CCDC171: variants seen among roughly 807,000 people sequenced by gnomAD.
The protein encoded by CCDC171 is coiled-coil domain-containing protein 171.
CCDC171 carries 177 observed loss-of-function variants against 168.2 expected under a neutral mutation model. The observed-to-expected ratio is 1.05, with a 90% CI of 0.93 to 1.19. The LOEUF is 1.19. Ranked by LOEUF, CCDC171 falls within the 50% of genes most tolerant of loss-of-function variation. CCDC171 has a pLI of 0.00. For synonymous variants in CCDC171, 687 were observed against 540.8 expected, an observed-to-expected ratio of 1.27 and a Z score of -3.75; for missense variants, 1,991 against 1,539.0, an observed-to-expected ratio of 1.29 and a Z score of -4.91.
chr9:15,656,720 C>T (rs2047964365), intron 7 of CCDC171, among the ~76,000 whole-genome samples: 1 of 152,012 alleles, frequency 6.6e-6, no homozygotes, highest in African/African-American at 2.4e-5. Flanking sequence ...TTCGTGATTA[C>T]TTGGGTATGT....
At chr9:16,079,416 T>A in the CCDC171 span, among the ~76,000 whole-genome samples, 4,476 of 152,234 alleles carry the variant, frequency 0.029, 75 homozygotes, top group Middle Eastern at 0.1. Flanking sequence ...GGTGTCCTTA[T>A]AAAGGAGGGA....
At chr9:15,736,449 T>A (rs899641395) in intron 16 of CCDC171, among the ~76,000 whole-genome samples, 2 of 151,268 alleles carry the variant, frequency 1.3e-5, no homozygotes, top group African/African-American at 4.9e-5. Flanking sequence ...CTCCCAGGCT[T>A]AAGAGATTCC....
chr9:15,579,933 A>G (rs1213292190), intron 4 of CCDC171, among the ~76,000 whole-genome samples: 3 of 152,212 alleles, frequency 2.0e-5, no homozygotes, highest in Non-Finnish European at 4.4e-5. Context: ...ATTCTTGTAC[A>G]CAGCAGGTTT....
intron 25 of CCDC171, among the ~76,000 whole-genome samples, chr9:15,968,650 G>A (rs556927791): frequency 2.7e-5 from 4 of 149,342 alleles, no homozygotes; most frequent in Middle Eastern, 3.4e-3. Context: ...GGATTCAAGC[G>A]ATTCCCCTGC....
chr9:15,656,077 T>C (rs1179810008), intron 7 of CCDC171, among the ~76,000 whole-genome samples: 2 of 152,162 alleles, frequency 1.3e-5, no homozygotes, highest in Admixed American at 6.5e-5. Flanking sequence ...CCTAGCACTT[T>C]GGGAGGCCGA....
At chr9:15,707,389 C>T (rs1312439541) in intron 11 of CCDC171, among the ~76,000 whole-genome samples, 22 of 152,126 alleles carry the variant, frequency 1.4e-4, no homozygotes, top group Admixed American at 1.3e-3. Context: ...ACTTTGGTTA[C>T]GATTTGATAA....
intron 7 of CCDC171, among the ~76,000 whole-genome samples, chr9:15,635,201 C>A (rs1438711817): frequency 1.3e-5 from 2 of 152,160 alleles, no homozygotes; most frequent in Non-Finnish European, 2.9e-5. Context: ...GCAAGGAAGT[C>A]AGTCGAAGTC....
At chr9:15,624,221 G>A (rs2044833269) in intron 7 of CCDC171, among the ~76,000 whole-genome samples, 1 of 152,046 alleles carries the variant, frequency 6.6e-6, no homozygotes, top group South Asian at 2.1e-4. Context: ...TAAATAAAAT[G>A]AATAGTAAAA....
At chr9:15,994,601 T>G (rs982553008) in intron 3 of CCDC171, among the ~76,000 whole-genome samples, 3 of 152,014 alleles carry the variant, frequency 2.0e-5, no homozygotes, top group African/African-American at 7.2e-5. Flanking sequence ...AAAGTTTCTC[T>G]TAGATTTTAT....
At chr9:16,019,369 G>A (rs1833104524) in intron 3 of CCDC171, among the ~76,000 whole-genome samples, 3 of 152,214 alleles carry the variant, frequency 2.0e-5, no homozygotes. Flanking sequence ...ACCTCTGTTA[G>A]TGGATAGATG....
intron 18 of CCDC171, among the ~76,000 whole-genome samples, chr9:15,771,404 A>G (rs2057005611): frequency 6.6e-6 from 1 of 152,166 alleles, no homozygotes; most frequent in African/African-American, 2.4e-5. Flanking sequence ...AAGACATTAT[A>G]TTATTACTTA....
At chr9:15,653,250 C>T (rs2047667474) in intron 7 of CCDC171, among the ~76,000 whole-genome samples, 1 of 152,130 alleles carries the variant, frequency 6.6e-6, no homozygotes, top group Admixed American at 6.6e-5. Context: ...AGTGATCCTC[C>T]CACCTCAGCC....
At chr9:16,059,839 C>G (rs1833905398) in intron 1 of CCDC171, among the ~76,000 whole-genome samples, 1 of 151,708 alleles carries the variant, frequency 6.6e-6, no homozygotes, top group Non-Finnish European at 1.5e-5. Context: ...ACACACCCGA[C>G]TTATTAAAAA....
chr9:15,912,638 G>A (rs199975868), intron 24 of CCDC171, among the ~76,000 whole-genome samples: 10 of 152,012 alleles, frequency 6.6e-5, no homozygotes, highest in African/African-American at 1.2e-4. Context: ...GAATGCTTCC[G>A]GTTTTTGCCC....
chr9:15,968,796 C>T (rs1172973691), intron 25 of CCDC171, among the ~76,000 whole-genome samples: 1 of 152,138 alleles, frequency 6.6e-6, no homozygotes, highest in African/African-American at 2.4e-5. Flanking sequence ...ACCTCGGCCT[C>T]CCAAAGTGCT....
intron 3 of CCDC171, among the ~76,000 whole-genome samples, chr9:15,979,941 TAAAG>T (rs1051207370): frequency 1.6e-4 from 25 of 152,120 alleles, no homozygotes; most frequent in South Asian, 1.0e-3. Flanking sequence ...TTTTTATTAT[TAAAG>T]AAATCTTTTT....
chr9:16,048,712 C>T (rs78096086), intron 1 of CCDC171, among the ~76,000 whole-genome samples: 1,582 of 151,706 alleles, frequency 0.01, 33 homozygotes, highest in African/African-American at 0.036. Context: ...GCAGAACACC[C>T]GGCTTTAATC....
rs1355230215 is a variant in CCDC171 at position 15,818,843 on chromosome 9, C to T, written c.3268-27859C>T. On this transcript the variant is annotated intron_variant, in intron 21 of 25. Coordinates refer to ENST00000380701, the MANE Select transcript of CCDC171 (RefSeq NM_173550.4). ...ATTCAAATTCAGGAAATACAGAGAA[C>T]GCCACAAAAATACTCCTCGAGAAGA... 1.1e-4 allele frequency among the ~76,000 whole-genome samples: 13 copies of T among 116,308 alleles called. 4 individuals are homozygous for T. The highest frequency in any genetic ancestry group is 4.6e-3 in the Middle Eastern group (1 of 218). The allele number at this position is 116,308 out of a possible 152,430, so 76.3% of individuals were successfully genotyped here.
At chr9:15,960,946 T>G (rs1306970774) in intron 25 of CCDC171, among the ~76,000 whole-genome samples, 1 of 152,006 alleles carries the variant, frequency 6.6e-6, no homozygotes, top group Non-Finnish European at 1.5e-5. Flanking sequence ...TTGCTAAGGA[T>G]TTTAGGTGTG....
Sources: allele counts gnomAD v4.1 joint callset (sites outside exome capture counted in the v4.1 genomes callset), GRCh38; gene constraint gnomAD v4.1.1; transcripts MANE v1.5; gene names NCBI Gene and HGNC (gene_info 2026-07-23, HGNC 2026-07-21).